SETD5: variants seen among roughly 807,000 people sequenced by gnomAD.
The protein encoded by SETD5 is histone-lysine N-methyltransferase SETD5.
In SETD5, 44 loss-of-function variants were observed where a neutral mutation model predicts 153.3. That is an observed-to-expected ratio of 0.29 (90% confidence interval 0.23 to 0.37). The LOEUF (loss-of-function observed/expected upper bound fraction) is 0.37. Among genes scored for constraint, SETD5 ranks in the 10% least tolerant of loss-of-function variants. The pLI is 1.00. For missense variants in SETD5, 1,544 were observed against 1,768.0 expected (o/e 0.87, Z 2.27); for synonymous variants, 716 against 645.2 (o/e 1.11, Z -1.66).
At chr3:9,471,123 G>T (rs1469795348) in intron 19 of SETD5, among the ~76,000 whole-genome samples, 194 bp downstream of exon 19, 2 of 152,194 alleles carry the variant, frequency 1.3e-5, no homozygotes, top group African/African-American at 4.8e-5. Flanking sequence ...AAATGTAAAT[G>T]CCTGTATGTG....
At chr3:9,461,006 A>G (rs1021186047) in intron 17 of SETD5, among the ~76,000 whole-genome samples, 4 of 152,170 alleles carry the variant, frequency 2.6e-5, no homozygotes, top group African/African-American at 4.8e-5. Context: ...GAGACTTGTA[A>G]ATAAAATTGA....
chr3:9,430,713 A>G, intron 3 of SETD5: 1 of 569,094 alleles, frequency 1.8e-6, no homozygotes, highest in Non-Finnish European at 2.2e-6. Flanking sequence ...TGCTGGATAA[A>G]AGACCCAGAG....
chr3:9,413,360 G>A (rs1422883614), intron 1 of SETD5, among the ~76,000 whole-genome samples: 2 of 152,122 alleles, frequency 1.3e-5, no homozygotes, highest in African/African-American at 4.8e-5. Flanking sequence ...TGTGCAATAG[G>A]TAACATTTTA....
intron 7 of SETD5, among the ~76,000 whole-genome samples, chr3:9,436,401 A>G (rs1575395235): frequency 6.6e-6 from 1 of 152,182 alleles, no homozygotes; most frequent in Non-Finnish European, 1.5e-5. Flanking sequence ...TAAAATGTCT[A>G]CGGGAGAAAC....
intron 19 of SETD5, among the ~76,000 whole-genome samples, chr3:9,472,972 A>G (rs1440479264): frequency 6.6e-6 from 1 of 152,204 alleles, no homozygotes; most frequent in African/African-American, 2.4e-5. Flanking sequence ...ATGGTGGTCT[A>G]ATTGGCAAAC....
intron 1 of SETD5, among the ~76,000 whole-genome samples, chr3:9,408,131 G>T (rs74343924): frequency 0.053 from 8,012 of 152,160 alleles, 327 homozygotes; most frequent in Admixed American, 0.11. Context: ...GTCTCAATTT[G>T]GATCATAAAT....
intron 22 of SETD5, 35 bp downstream of exon 22, chr3:9,475,191 A>C: frequency 6.5e-7 from 1 of 1,545,624 alleles, no homozygotes; most frequent in Non-Finnish European, 8.8e-7. Flanking sequence ...TAGCCATAGG[A>C]GTGTGTTCTG....
At chr3:9,455,691 A>G (rs1559455969) in intron 17 of SETD5, among the ~76,000 whole-genome samples, 1 of 152,126 alleles carries the variant, frequency 6.6e-6, no homozygotes, top group Non-Finnish European at 1.5e-5. Flanking sequence ...CTTAGCTGAA[A>G]TAGACTATCA....
chr3:9,473,531 G>A lies in SETD5; in HGVS notation c.3491G>A (p.Ser1164Asn). Residue 1164 changes from serine (S) to asparagine (N), a missense_variant, in exon 20 of 23, where the codon AGT becomes AAT. By Grantham distance (46) the Ser-to-Asn change is conservative. Coordinates refer to ENST00000402198, the MANE Select transcript of SETD5 (RefSeq NM_001080517.3). ...SHCRPQENIS[S>N]RWMVPTSVER... ...TGCAGACCTCAAGAGAATATCAGCA[G>A]TAGGTGGTAAGTTTATATTTGATGT... The A allele has an allele frequency of 6.2e-7, 1 of 1,610,728 alleles. No homozygotes were observed. Among genetic ancestry groups the A allele is most frequent in the Non-Finnish European group, 8.5e-7 (1 of 1,178,112 alleles).
At chr3:9,400,732 T>C (rs2034629356) in intron 1 of SETD5, among the ~76,000 whole-genome samples, 1 of 152,234 alleles carries the variant, frequency 6.6e-6, no homozygotes, top group Admixed American at 6.5e-5. Context: ...ATAATCCATC[T>C]GAAATGTAGG....
intron 8 of SETD5, 116 bp downstream of exon 8, chr3:9,440,814 A>G: frequency 7.6e-7 from 1 of 1,313,112 alleles, no homozygotes; most frequent in South Asian, 1.5e-5. Flanking sequence ...GGAATAACAG[A>G]TTAGCCAGGT....
chr3:9,435,853 C>T lies in SETD5; in HGVS notation c.514C>T (p.Arg172Trp). The T allele has an allele frequency of 1.3e-6, 2 of 1,598,972 alleles. No individual in the cohort carries two copies. The highest frequency in any genetic ancestry group is 1.7e-6 in the Non-Finnish European group (2 of 1,172,550). Residue 172 changes from arginine to tryptophan, a missense_variant, in exon 7 of 23, where the codon CGG becomes TGG. Physicochemically the swap from Arg to Trp is moderately radical, Grantham distance 101. This residue lies in a region of SETD5 where 251 missense variants were observed against 326.9 expected (regional missense o/e 0.77). Transcript: ENST00000402198. ...TGTTAGAAGAACCAAACCCAAGAAG[C>T]GGAAAAAGAGTCCAGAAAAGGGTCG... ...LTVRRTKPKK[R>W]KKSPEKGRAA...
At chr3:9,438,442 G>C (rs914277616) in intron 7 of SETD5, among the ~76,000 whole-genome samples, 2 of 152,148 alleles carry the variant, frequency 1.3e-5, no homozygotes, top group African/African-American at 4.8e-5. Context: ...CTATAAACTG[G>C]CTCTACCAGA....
At chr3:9,473,150 C>CT in intron 19 of SETD5, 86 bp from the exon 20 acceptor site, 1 of 1,455,416 alleles carries the variant, frequency 6.9e-7, no homozygotes, top group East Asian at 2.4e-5. Context: ...AAGGTACCAT[C>CT]TTTCCTTCTT....
intron 3 of SETD5, chr3:9,432,199 T>C: frequency 1.4e-6 from 1 of 734,806 alleles, no homozygotes. Flanking sequence ...CAGACACTTT[T>C]AAGTAATAAA....
chr3:9,461,099 G>A (rs1038586565), intron 17 of SETD5, among the ~76,000 whole-genome samples: 2 of 152,168 alleles, frequency 1.3e-5, no homozygotes, highest in African/African-American at 4.8e-5. Context: ...AGCCCTTACA[G>A]ATGAAGAAAA....
chr3:9,453,768 G>A lies in SETD5; in HGVS notation c.2376G>A (p.Gly792=). ...GGATAAAACAAGCCTTAGAAGAAGG[G>A]ATGACTCAAACATCATCTGTACCCC... ...KRWIKQALEE[G]MTQTSSVPQE... The change falls in exon 17 of 23, where the codon GGG becomes GGA. Residue 792 remains glycine, a synonymous_variant. Coordinates refer to ENST00000402198, the MANE Select transcript of SETD5 (RefSeq NM_001080517.3). 6.2e-7 allele frequency: 1 copy of A among 1,604,106 alleles called. No homozygotes were observed. Among genetic ancestry groups the A allele is most frequent in the African/African-American group, 1.3e-5 (1 of 74,322 alleles).
intron 2 of SETD5, among the ~76,000 whole-genome samples, chr3:9,427,682 C>G (rs192172198): frequency 1.1e-4 from 16 of 152,262 alleles, no homozygotes; most frequent in Non-Finnish European, 1.6e-4. Context: ...TCAGTCATGA[C>G]TCTCTTTGTA....
intron 11 of SETD5, among the ~76,000 whole-genome samples, chr3:9,444,142 T>C (rs1376848903): frequency 2.0e-5 from 3 of 152,228 alleles, no homozygotes; most frequent in Non-Finnish European, 1.5e-5. Context: ...GGGTGAGATT[T>C]AAAGATCCAC....
Sources: gnomAD v4.1 joint callset for allele counts (sites outside exome capture counted in the v4.1 genomes callset) on GRCh38, gnomAD v4.1.1 for gene constraint, gnomAD v4.1.1 regional missense constraint, MANE v1.5 for transcripts, NCBI Gene and HGNC (gene_info 2026-07-23, HGNC 2026-07-21) for gene names.